RERE: variants seen among roughly 807,000 people sequenced by gnomAD.
RERE encodes the protein arginine-glutamic acid dipeptide repeats.
A neutral mutation model predicts 146.1 loss-of-function variants in RERE; 40 were observed. The ratio of observed to expected loss-of-function variants is 0.27; its 90% CI spans 0.21 to 0.36. The LOEUF is 0.36. Among genes scored for constraint, RERE ranks in the 10% least tolerant of loss-of-function variants. The pLI, the probability that RERE is intolerant of heterozygous loss-of-function variation, is 1.00. For missense variants in RERE, 1,933 were observed against 2,138.7 expected, an observed-to-expected ratio of 0.90 and a Z score of 1.90; for synonymous variants, 1,003 against 866.0, an observed-to-expected ratio of 1.16 and a Z score of -2.78.
chr1:8,361,897 A>G (rs1240073567), intron 16 of RERE, 21 bp from the exon 17 acceptor site: 4 of 1,555,608 alleles, frequency 2.6e-6, no homozygotes, highest in Admixed American at 1.7e-5. Flanking sequence ...AAAGCCCACA[A>G]GGAGCAATCA....
chr1:8,650,694 C>G (rs375299226), intron 2 of RERE, among the ~76,000 whole-genome samples: 2 of 151,966 alleles, frequency 1.3e-5, no homozygotes, highest in Non-Finnish European at 2.9e-5. Flanking sequence ...GTCAGGAGAT[C>G]GAGACCATCC....
At chr1:8,578,210 G>A (rs549085951) in intron 4 of RERE, among the ~76,000 whole-genome samples, 3 of 152,198 alleles carry the variant, frequency 2.0e-5, no homozygotes, top group South Asian at 4.1e-4. Context: ...TCTATGTTTC[G>A]TATTTCCACA....
chr1:8,816,925 G>A (rs986327673), intron 1 of RERE, among the ~76,000 whole-genome samples: 1 of 152,234 alleles, frequency 6.6e-6, no homozygotes, highest in African/African-American at 2.4e-5. Flanking sequence ...ATGAATAAGA[G>A]GCCAAGAGAG....
intron 11 of RERE, among the ~76,000 whole-genome samples, chr1:8,432,326 TC>T (rs1221373544): frequency 6.6e-6 from 1 of 152,036 alleles, no homozygotes; most frequent in Non-Finnish European, 1.5e-5. Context: ...CCTCTTCACT[TC>T]TGCTTATTCA....
At chr1:8,544,761 G>C (rs1281904568) in intron 6 of RERE, among the ~76,000 whole-genome samples, 1 of 152,084 alleles carries the variant, frequency 6.6e-6, no homozygotes, top group Non-Finnish European at 1.5e-5. Flanking sequence ...ACTACTAGAG[G>C]AAAGTAAAAC....
intron 4 of RERE, among the ~76,000 whole-genome samples, chr1:8,565,307 T>C (rs553781022): frequency 6.6e-6 from 1 of 152,334 alleles, no homozygotes; most frequent in South Asian, 2.1e-4. Context: ...ACTCCATACA[T>C]ATATACAATT....
At chr1:8,371,061 C>G (rs1642017236) in intron 12 of RERE, among the ~76,000 whole-genome samples, 1 of 152,146 alleles carries the variant, frequency 6.6e-6, no homozygotes, top group African/African-American at 2.4e-5. Flanking sequence ...TATAATTGCA[C>G]ACAGCATGAG....
chr1:8,610,391 C>T (rs1423631539), intron 4 of RERE, among the ~76,000 whole-genome samples: 8 of 151,492 alleles, frequency 5.3e-5, no homozygotes, highest in Non-Finnish European at 4.4e-5. Context: ...CAGTTCGAGA[C>T]CAGCCTGGCC....
chr1:8,370,328 TG>T (rs1278703870), intron 12 of RERE, among the ~76,000 whole-genome samples: 2 of 151,902 alleles, frequency 1.3e-5, no homozygotes, highest in African/African-American at 4.8e-5. Context: ...GCCGAGAGCC[TG>T]GAGGGTGGGG....
At chr1:8,487,134 G>C (rs1644912531) in intron 10 of RERE, among the ~76,000 whole-genome samples, 3 of 152,118 alleles carry the variant, frequency 2.0e-5, no homozygotes, top group Admixed American at 2.0e-4. Context: ...TGAAATCAAT[G>C]TAATTCACTA....
intron 10 of RERE, among the ~76,000 whole-genome samples, chr1:8,476,648 C>T (rs1301519538): frequency 1.3e-5 from 2 of 152,204 alleles, no homozygotes; most frequent in African/African-American, 4.8e-5. Context: ...TGAAAATCAA[C>T]AACCAGTATA....
chr1:8,486,928 T>C (rs1015390069), intron 10 of RERE, among the ~76,000 whole-genome samples: 4 of 152,124 alleles, frequency 2.6e-5, no homozygotes, highest in African/African-American at 9.7e-5. Flanking sequence ...AACTAATTTT[T>C]TGAGGGAGTA....
chr1:8,422,877 T>C, intron 11 of RERE, 70 bp from the exon 12 acceptor site: 6 of 1,111,142 alleles, frequency 5.4e-6, no homozygotes, highest in Admixed American at 1.7e-5. Context: ...AGCAAAGATA[T>C]CTACAATCAG....
At chr1:8,479,320 A>T (rs1323190421) in intron 10 of RERE, among the ~76,000 whole-genome samples, 1 of 151,786 alleles carries the variant, frequency 6.6e-6, no homozygotes, top group African/African-American at 2.4e-5. Flanking sequence ...ATTTTTTTTA[A>T]ATTTCAAAAT....
At chr1:8,548,298 T>G (rs1297518882) in intron 6 of RERE, among the ~76,000 whole-genome samples, 1 of 152,170 alleles carries the variant, frequency 6.6e-6, no homozygotes, top group African/African-American at 2.4e-5. Context: ...GAAGAGTATC[T>G]TCTTATAACC....
intron 4 of RERE, among the ~76,000 whole-genome samples, chr1:8,561,980 G>C (rs1448228728): frequency 6.6e-6 from 1 of 152,146 alleles, no homozygotes; most frequent in Non-Finnish European, 1.5e-5. Flanking sequence ...ATGTGACTTT[G>C]GGCAAGTAAC....
intron 10 of RERE, among the ~76,000 whole-genome samples, chr1:8,467,810 T>A (rs189331041): frequency 1.6e-3 from 237 of 152,022 alleles, no homozygotes; most frequent in African/African-American, 4.8e-3. Context: ...ACGCCCGGCT[T>A]ATTTTTTGTA....
chr1:8,653,716 A>AAG (rs1647762611), intron 2 of RERE, among the ~76,000 whole-genome samples: 2 of 148,220 alleles, frequency 1.3e-5, no homozygotes, highest in African/African-American at 5.1e-5. Context: ...AAAAAAAAAA[A>AAG]GGGTTAACAT....
At chr1:8,625,219 G>A (rs1417306322) in intron 2 of RERE, among the ~76,000 whole-genome samples, 4 of 152,090 alleles carry the variant, frequency 2.6e-5, no homozygotes, top group South Asian at 2.1e-4. Context: ...TCAGCCACCC[G>A]AAGTGTCAGG....
Sources: gnomAD v4.1 joint callset for allele counts (sites outside exome capture counted in the v4.1 genomes callset) on GRCh38, gnomAD v4.1.1 for gene constraint, MANE v1.5 for transcripts, NCBI Gene and HGNC (gene_info 2026-07-23, HGNC 2026-07-21) for gene names.